Variants in STAG2 observed in about 807,000 individuals in gnomAD.
The protein encoded by STAG2 is cohesin subunit SA-2.
A neutral mutation model predicts 108.1 loss-of-function variants in STAG2; 14 were observed. That is an observed-to-expected ratio of 0.13 (90% CI 0.09 to 0.20). STAG2 has a LOEUF of 0.20. Among genes scored for constraint, STAG2 ranks in the 10% least tolerant of loss-of-function variants. STAG2 has a pLI of 1.00. For missense variants in STAG2, 440 were observed against 940.9 expected, an observed-to-expected ratio of 0.47 and a Z score of 6.96; for synonymous variants, 307 against 302.7, an observed-to-expected ratio of 1.01 and a Z score of -0.15.
upstream of STAG2, chrX:123,961,161 G>C (rs2053831953): frequency 1.0e-5 from 1 of 96,158 alleles, no homozygotes; most frequent in Admixed American, 1.3e-4. Flanking sequence ...ACACTTCCAA[G>C]GAACTTCCAG....
chrX:123,974,753 A>G (rs772606970), intron 1 of STAG2, among the ~76,000 whole-genome samples: 2 of 106,654 alleles, frequency 1.9e-5, no homozygotes, highest in African/African-American at 6.9e-5. Context: ...TAATTTTTGT[A>G]TTTTTAGTAC....
chrX:124,026,423 A>G, intron 4 of STAG2: 1 of 138,832 alleles, frequency 7.2e-6, no homozygotes. Flanking sequence ...ATATAATGTA[A>G]GTTTAAAGTG....
At chrX:124,049,829 A>G (rs1180834180) in intron 10 of STAG2, among the ~76,000 whole-genome samples, 1 of 112,317 alleles carries the variant, frequency 8.9e-6, no homozygotes, top group Non-Finnish European at 1.9e-5. Context: ...AGTGTAATGT[A>G]TAAATAATAC....
chrX:124,072,171 C>G (rs778101413), intron 25 of STAG2, among the ~76,000 whole-genome samples: 25 of 111,182 alleles, frequency 2.2e-4, no homozygotes, highest in Non-Finnish European at 4.3e-4. Context: ...TGCCACCGTG[C>G]TTGGCTAATT....
chrX:123,993,921 G>A (rs777882842), intron 1 of STAG2, among the ~76,000 whole-genome samples: 1 of 111,603 alleles, frequency 9.0e-6, no homozygotes, highest in East Asian at 2.8e-4. Flanking sequence ...CCACCTATAG[G>A]CATTATGGGG....
Position 124,022,574 on chromosome X carries a change from G to A in STAG2, c.-54G>A, listed in dbSNP as rs2056967520. 6.0e-6 allele frequency: 6 copies of A among 1,003,976 alleles called. No homozygotes were observed. Among genetic ancestry groups the A allele is most frequent in the East Asian group, 3.3e-5 (1 of 30,470 alleles). 82.7% of individuals were successfully genotyped at this position (1,003,976 alleles called of 1,213,427 possible). ...GAAGGCAAGCCACCATTTTACCCACGTAAATATATGAATATATTTCTGACA... is the reference window on the plus strand; with the variant it reads ...GAAGGCAAGCCACCATTTTACCCACATAAATATATGAATATATTTCTGACA... On this transcript the variant is annotated 5_prime_UTR_variant, in exon 3 of 35. Coordinates refer to ENST00000371145, the MANE Select transcript of STAG2 (RefSeq NM_001042750.2).
intron 20 of STAG2, 100 bp downstream of exon 20, chrX:124,064,151 G>A: frequency 1.7e-6 from 1 of 580,591 alleles, no homozygotes; most frequent in Non-Finnish European, 2.7e-6. Flanking sequence ...ATAGTCCCTA[G>A]CAGTATTTTG....
intron 1 of STAG2, among the ~76,000 whole-genome samples, chrX:123,985,120 A>G (rs1249481580): frequency 2.7e-5 from 3 of 111,964 alleles, no homozygotes; most frequent in African/African-American, 9.7e-5. Flanking sequence ...AGGTTAAAAA[A>G]TACAGTCTGA....
chrX:124,034,633 TC>T (rs944087742), intron 5 of STAG2, among the ~76,000 whole-genome samples: 5 of 110,956 alleles, frequency 4.5e-5, no homozygotes, highest in African/African-American at 1.3e-4. Context: ...TTTATTTTAC[TC>T]CCCCCTTGCA....
intron 6 of STAG2, among the ~76,000 whole-genome samples, chrX:124,039,058 A>C (rs1221269416): frequency 9.1e-6 from 1 of 110,428 alleles, no homozygotes; most frequent in Non-Finnish European, 1.9e-5. Flanking sequence ...TGCAAATGGA[A>C]GGTTGAGTGC....
chrX:124,043,271 G>A (rs945248700), intron 7 of STAG2, among the ~76,000 whole-genome samples: 2 of 107,774 alleles, frequency 1.9e-5, no homozygotes, highest in African/African-American at 6.8e-5. Flanking sequence ...TGGGATTACA[G>A]GCACCCACCA....
chrX:124,065,641 AAAG>A (rs945357730), intron 20 of STAG2, among the ~76,000 whole-genome samples: 60 of 111,892 alleles, frequency 5.4e-4, no homozygotes, highest in African/African-American at 1.7e-3. Flanking sequence ...CTTAGAAGAA[AAAG>A]AAGAATGTCA....
chrX:124,003,406 C>A (rs1375959213), intron 1 of STAG2: 5 of 111,290 alleles, frequency 4.5e-5, no homozygotes, highest in Non-Finnish European at 9.4e-5. Context: ...TTGCTTGTTA[C>A]CTGAAATATA....
intron 29 of STAG2, among the ~76,000 whole-genome samples, chrX:124,084,962 C>A (rs771084974): frequency 9.0e-6 from 1 of 111,613 alleles, no homozygotes; most frequent in South Asian, 3.8e-4. Flanking sequence ...CCAGTAATTT[C>A]ATTCATAAGT....
At chrX:124,005,760 C>T (rs1214799386) in intron 1 of STAG2, among the ~76,000 whole-genome samples, 1 of 111,460 alleles carries the variant, frequency 9.0e-6, no homozygotes, top group Non-Finnish European at 1.9e-5. Flanking sequence ...TTTTTTAGGG[C>T]TGCCTAACAA....
chrX:124,062,924 A>C lies in STAG2; in HGVS notation c.1661A>C (p.Lys554Thr). Residue 554 changes from lysine to threonine, a missense_variant, in exon 18 of 35, where the codon AAG becomes ACG. Transcript: ENST00000371145. ...GKRVLTAKEK[K>T]TQLDDRTKIT... ...TAGGTGCTTACAGCAAAGGAGAAGA[A>C]GACACAGTTGGATGATAGGACAAAA... 8.3e-7 allele frequency: 1 copy of C among 1,211,329 alleles called. No homozygotes were observed. The highest frequency in any genetic ancestry group is 1.1e-6 in the Non-Finnish European group (1 of 894,960).
chrX:124,034,688 G>A (rs955468706), intron 5 of STAG2, among the ~76,000 whole-genome samples: 1 of 111,125 alleles, frequency 9.0e-6, no homozygotes, highest in African/African-American at 3.3e-5. Flanking sequence ...CTTCTGAAAA[G>A]CATTCTCAGA....
intron 8 of STAG2, 41 bp from the exon 9 acceptor site, chrX:124,047,313 T>A (rs1334874461): frequency 9.0e-7 from 1 of 1,107,206 alleles, no homozygotes; most frequent in African/African-American, 1.9e-5. Flanking sequence ...TTTTTGTGTC[T>A]GTTAGATTAG....
chrX:124,049,109 CATT>C, intron 10 of STAG2, 31 bp downstream of exon 10: 1 of 1,065,200 alleles, frequency 9.4e-7, no homozygotes, highest in South Asian at 2.0e-5. Flanking sequence ...TCATAAATAG[CATT>C]ATGTAATTTC....
Sources: gnomAD v4.1 joint callset for allele counts (sites outside exome capture counted in the v4.1 genomes callset) on GRCh38, gnomAD v4.1.1 for gene constraint, MANE v1.5 for transcripts, NCBI Gene and HGNC (gene_info 2026-07-23, HGNC 2026-07-21) for gene names.